VPS13D: variants seen among roughly 807,000 people sequenced by gnomAD.
The protein encoded by VPS13D is intermembrane lipid transfer protein VPS13D.
VPS13D carries 187 observed loss-of-function variants against 461.9 expected under a neutral mutation model. The observed-to-expected ratio is 0.40, with a 90% CI of 0.36 to 0.46. The LOEUF (loss-of-function observed/expected upper bound fraction) is 0.46, where lower values mean the gene tolerates loss of function less well. Among genes scored for constraint, VPS13D ranks in the 20% least tolerant of loss-of-function variants. The pLI is 0.60. For missense variants in VPS13D, 4,711 were observed against 5,364.9 expected (o/e 0.88, Z 3.81); for synonymous variants, 1,951 against 1,986.3 (o/e 0.98, Z 0.47).
chr1:12,313,045 T>A (rs1323914238), intron 29 of VPS13D, among the ~76,000 whole-genome samples: 1 of 152,180 alleles, frequency 6.6e-6, no homozygotes, highest in Non-Finnish European at 1.5e-5. Context: ...ATCAGTCCTG[T>A]AAGCTGGGCG....
intron 60 of VPS13D, among the ~76,000 whole-genome samples, chr1:12,390,649 A>G (rs577269166): frequency 5.1e-4 from 77 of 152,332 alleles, no homozygotes; most frequent in Non-Finnish European, 7.9e-4. Context: ...GAAGAGGTAC[A>G]ATATAATCAA....
intron 55 of VPS13D, 114 bp from the exon 56 acceptor site, chr1:12,378,314 A>C (rs1644229125): frequency 1.0e-6 from 1 of 981,416 alleles, no homozygotes; most frequent in Admixed American, 3.3e-5. Flanking sequence ...AAAACGTCTA[A>C]ATAAACTTCC....
At chr1:12,321,736 CCT>C in intron 32 of VPS13D, 71 bp from the exon 33 acceptor site, 1 of 1,482,694 alleles carries the variant, frequency 6.7e-7, no homozygotes, top group South Asian at 1.4e-5. Flanking sequence ...TCTGAGATAG[CCT>C]CTTTGTGCTG....
chr1:12,338,051 G>A, intron 39 of VPS13D, 180 bp from the exon 40 acceptor site: 1 of 457,272 alleles, frequency 2.2e-6, no homozygotes, highest in South Asian at 3.3e-5. Context: ...GCATAAAAAT[G>A]TGTTCACTTT....
chr1:12,302,557 T>G (rs952000483), intron 25 of VPS13D, among the ~76,000 whole-genome samples: 1 of 152,216 alleles, frequency 6.6e-6, no homozygotes, highest in Admixed American at 6.5e-5. Context: ...TCCCTGTATT[T>G]GTTTTTGAGG....
chr1:12,348,309 G>A (rs1028291151), intron 44 of VPS13D, among the ~76,000 whole-genome samples: 2 of 152,152 alleles, frequency 1.3e-5, no homozygotes. Flanking sequence ...ATCATTTAAT[G>A]TTTTGCAAAG....
At chr1:12,415,359 CA>C in intron 64 of VPS13D, 138 bp downstream of exon 64, 2 of 1,137,096 alleles carry the variant, frequency 1.8e-6, no homozygotes, top group Non-Finnish European at 2.5e-6. Flanking sequence ...CGGGTCAGGT[CA>C]CTTCCCAAGA....
Position 12,327,696 on chromosome 1 carries a change from T to G in VPS13D, c.8039T>G (p.Leu2680Arg). ...ASWLFKNAEP[L>R]KSLSLASTSR... ...TGGTTGTTTAAGAATGCGGAACCTC[T>G]GAAGTCTCTTTCCTTGGCCTCCACC... The change falls in exon 36 of 70, where the codon CTG becomes CGG. Residue 2680 changes from leucine (L) to arginine (R), a missense_variant. Leu to Arg is a moderately radical substitution (Grantham distance 102, BLOSUM62 -2). Transcript: ENST00000620676. The G allele has an allele frequency of 6.2e-7, 1 of 1,614,082 alleles. No homozygotes were observed. The highest frequency in any genetic ancestry group is 8.5e-7 in the Non-Finnish European group (1 of 1,179,952).
rs756425322 is a variant in VPS13D, at chr1:12,338,219, CCTGT to C, written c.8552-9_8552-6del. ...ATTCTTAGCCTCTAACTTTGTCTCT[CCTGT>C]CTACCAGGCCTCCCCCTTGTCTACC... On this transcript the variant is annotated splice_polypyrimidine_tract_variant and splice_region_variant and intron_variant, in intron 39 of 69. Transcript: ENST00000620676. The C allele has an allele frequency of 3.1e-6, 5 of 1,611,518 alleles. No individual in the cohort carries two copies. The highest frequency in any genetic ancestry group is 1.1e-5 in the South Asian group (1 of 91,042).
intron 6 of VPS13D, 115 bp from the exon 7 acceptor site, chr1:12,253,607 C>T (rs1158318945): frequency 5.0e-6 from 4 of 792,426 alleles, no homozygotes; most frequent in Non-Finnish European, 8.4e-6. Flanking sequence ...GTTATATGTC[C>T]ACAGCACCTT....
intron 1 of VPS13D, 119 bp from the exon 2 acceptor site, chr1:12,234,072 A>G (rs1640071344): frequency 1.3e-5 from 6 of 472,200 alleles, no homozygotes; most frequent in Non-Finnish European, 2.3e-5. Flanking sequence ...ACACAAACAA[A>G]CAAAACCCAA....
At chr1:12,341,718 G>A in intron 40 of VPS13D, 62 bp from the exon 41 acceptor site, 1 of 1,499,346 alleles carries the variant, frequency 6.7e-7, no homozygotes, top group Non-Finnish European at 9.2e-7. Context: ...CTCCAGGTTG[G>A]GGGAGGGTCT....
At chr1:12,354,271 A>G (rs756839267) in intron 47 of VPS13D, 50 bp downstream of exon 47, 59 of 1,598,494 alleles carry the variant, frequency 3.7e-5, no homozygotes, top group South Asian at 7.8e-5. Context: ...GAAAATATCA[A>G]TGAGTATTTT....
At chr1:12,375,855 A>G (rs532819630) in intron 55 of VPS13D, among the ~76,000 whole-genome samples, 63 of 151,232 alleles carry the variant, frequency 4.2e-4, no homozygotes, top group African/African-American at 1.4e-3. Context: ...CCCAACCCCC[A>G]TCCCCACCAC....
At chr1:12,393,296 G>T (rs979578904) in intron 60 of VPS13D, among the ~76,000 whole-genome samples, 1 of 152,244 alleles carries the variant, frequency 6.6e-6, no homozygotes, top group Non-Finnish European at 1.5e-5. Flanking sequence ...CTCCAAATAA[G>T]ATTATGACAC....
intron 62 of VPS13D, among the ~76,000 whole-genome samples, chr1:12,403,267 A>C (rs557030213): frequency 5.9e-5 from 9 of 152,366 alleles, no homozygotes; most frequent in African/African-American, 1.9e-4. Flanking sequence ...ATGGCAAGTA[A>C]AAAATCTGCC....
chr1:12,363,834 T>G (rs1054025017), intron 52 of VPS13D, among the ~76,000 whole-genome samples: 1 of 151,562 alleles, frequency 6.6e-6, no homozygotes, highest in African/African-American at 2.4e-5. Context: ...GTGGCTGTAG[T>G]CACAGCTACT....
chr1:12,346,502 A>G, intron 43 of VPS13D, 103 bp from the exon 44 acceptor site: 1 of 1,153,054 alleles, frequency 8.7e-7, no homozygotes, highest in Non-Finnish European at 1.3e-6. Context: ...ACTTGAAAGT[A>G]TTTACAAACA....
At chr1:12,265,988 A>G (rs1405601925) in intron 13 of VPS13D, among the ~76,000 whole-genome samples, 2 of 151,912 alleles carry the variant, frequency 1.3e-5, no homozygotes, top group African/African-American at 4.8e-5. Flanking sequence ...GCAAGACCCT[A>G]TCTCTACTAA....
Sources: gnomAD v4.1 joint callset for allele counts (sites outside exome capture counted in the v4.1 genomes callset) on GRCh38, gnomAD v4.1.1 for gene constraint, MANE v1.5 for transcripts, NCBI Gene and HGNC (gene_info 2026-07-23, HGNC 2026-07-21) for gene names.